KMT2C: variants seen among roughly 807,000 people sequenced by gnomAD.
The protein encoded by KMT2C is lysine methyltransferase 2C, also known as histone-lysine N-methyltransferase 2C.
In KMT2C, 88 loss-of-function variants were observed where a neutral mutation model predicts 507.9. The observed-to-expected ratio is 0.17, with a 90% CI of 0.15 to 0.21. The LOEUF (loss-of-function observed/expected upper bound fraction) is 0.21. Ranked by LOEUF, KMT2C falls within the 10% of genes least tolerant of loss-of-function variation. The pLI is 1.00. For synonymous variants in KMT2C, 2,049 were observed against 2,080.8 expected, an observed-to-expected ratio of 0.98 and a Z score of 0.42; for missense variants, 4,954 against 5,957.8, an observed-to-expected ratio of 0.83 and a Z score of 5.55.
intron 6 of KMT2C, among the ~76,000 whole-genome samples, chr7:152,276,437 C>T (rs2096080737): frequency 6.6e-6 from 1 of 152,000 alleles, no homozygotes; most frequent in Non-Finnish European, 1.5e-5. Flanking sequence ...AGCTAATTAA[C>T]ATTTGGGGAG....
chr7:152,420,654 G>A (rs1475545303), intron 1 of KMT2C, among the ~76,000 whole-genome samples: 1 of 152,098 alleles, frequency 6.6e-6, no homozygotes, highest in East Asian at 1.9e-4. Flanking sequence ...GGCCAACATG[G>A]TGAAACCCCA....
rs1230767564 is a variant in KMT2C, at chr7:152,146,791, A to G, written c.13895-56T>C. The stretch of plus-strand genomic sequence containing the variant: ...GGAAATAGGATACAGTATAAAAAAC[A>G]AGAGCAAAATGAAGAATAACCACTC... On this transcript the variant is annotated intron_variant, in intron 52 of 58. Coordinates refer to ENST00000262189, the MANE Select transcript of KMT2C (RefSeq NM_170606.3). 6 of 1,499,500 alleles carry G rather than the reference A, an allele frequency of 4.0e-6. No individual in the cohort carries two copies. The East Asian group carries it at 1.1e-4, about 28-fold the overall frequency. The allele number at this position is 1,499,500 out of a possible 1,614,324, so 92.9% of individuals were successfully genotyped here.
intron 55 of KMT2C, among the ~76,000 whole-genome samples, chr7:152,141,989 T>C (rs1454995508): frequency 6.6e-6 from 1 of 152,194 alleles, no homozygotes; most frequent in Non-Finnish European, 1.5e-5. Flanking sequence ...GCCACCGCAC[T>C]CCAGCCTGGG....
intron 2 of KMT2C, among the ~76,000 whole-genome samples, chr7:152,336,982 TA>T (rs10715319): frequency 0.13 from 20,417 of 152,026 alleles, 3,564 homozygotes; most frequent in African/African-American, 0.4. Flanking sequence ...TGTACAGTGG[TA>T]AACTATACTA....
Position 152,178,015 on chromosome 7 carries a change from T to TAAAAAAAAAAAAAAAAAAA in KMT2C, c.7443-24_7443-6dup, listed in dbSNP as rs746018833. ...CTACCTCCTGGAAATCCAAATCTTTTAAAAAAAAAAAAAAAAAAAAAAAAA... is the reference window on the plus strand; with the variant it reads ...CTACCTCCTGGAAATCCAAATCTTTTAAAAAAAAAAAAAAAAAAAAAAAAAAAAAAAAAAAAAAAAAAAA... On this transcript the variant is annotated splice_polypyrimidine_tract_variant and splice_region_variant and intron_variant, in intron 37 of 58. Coordinates refer to ENST00000262189, the MANE Select transcript of KMT2C (RefSeq NM_170606.3). The TAAAAAAAAAAAAAAAAAAA allele has an allele frequency of 1.3e-6, 1 of 777,676 alleles. No individual in the cohort carries two copies. The highest frequency in any genetic ancestry group is 3.2e-5 in the African/African-American group (1 of 30,860). The allele number at this position is 777,676 out of a possible 1,614,324, so 48.2% of individuals were successfully genotyped here.
intron 43 of KMT2C, among the ~76,000 whole-genome samples, chr7:152,160,167 T>A (rs868667602): frequency 6.6e-6 from 1 of 152,182 alleles, no homozygotes; most frequent in Admixed American, 6.5e-5. Context: ...TTCCTTAGAT[T>A]TTTTTTCAAC....
chr7:152,254,885 T>C (rs538673345), intron 9 of KMT2C, among the ~76,000 whole-genome samples: 232 of 151,796 alleles, frequency 1.5e-3, no homozygotes, highest in African/African-American at 5.2e-3. Flanking sequence ...CAAAAGGCAA[T>C]AGAATTCACA....
intron 6 of KMT2C, among the ~76,000 whole-genome samples, chr7:152,280,350 G>A (rs113126331): frequency 1.2e-4 from 18 of 152,024 alleles, no homozygotes; most frequent in African/African-American, 4.3e-4. Flanking sequence ...AGACCATCCT[G>A]GCTAACACGG....
chr7:152,295,742 T>C (rs1221582524), intron 6 of KMT2C, among the ~76,000 whole-genome samples: 6 of 152,182 alleles, frequency 3.9e-5, no homozygotes, highest in Admixed American at 3.9e-4. Flanking sequence ...ATCATGGCTG[T>C]CTCAACTTCT....
chr7:152,392,752 G>A (rs2116559951), intron 1 of KMT2C, among the ~76,000 whole-genome samples: 1 of 152,312 alleles, frequency 6.6e-6, no homozygotes, highest in South Asian at 2.1e-4. Flanking sequence ...AAACTCTTCA[G>A]TATCTGATGA....
intron 13 of KMT2C, among the ~76,000 whole-genome samples, chr7:152,249,470 T>C (rs1267484686): frequency 2.0e-5 from 3 of 151,564 alleles, no homozygotes; most frequent in South Asian, 2.1e-4. Flanking sequence ...ACTGCACACA[T>C]GTGTCACCAT....
chr7:152,395,211 G>T (rs1185223269), intron 1 of KMT2C, among the ~76,000 whole-genome samples: 3 of 152,118 alleles, frequency 2.0e-5, no homozygotes, highest in Non-Finnish European at 2.9e-5. Context: ...TTGAGACAGG[G>T]TCTTGCTCTG....
intron 18 of KMT2C, among the ~76,000 whole-genome samples, chr7:152,227,246 G>A (rs890187227): frequency 2.0e-5 from 3 of 152,156 alleles, no homozygotes; most frequent in African/African-American, 7.2e-5. Context: ...TTTTAACCTA[G>A]GTACTGGGGT....
At chr7:152,383,963 G>C (rs2097397549) in intron 1 of KMT2C, among the ~76,000 whole-genome samples, 1 of 151,742 alleles carries the variant, frequency 6.6e-6, no homozygotes, top group Non-Finnish European at 1.5e-5. Flanking sequence ...CTCCTTTCTA[G>C]CCTTGTTAGT....
chr7:152,395,068 G>A (rs542678029), intron 1 of KMT2C, among the ~76,000 whole-genome samples: 2 of 152,070 alleles, frequency 1.3e-5, no homozygotes. Context: ...CAATCGTAAG[G>A]CATGCCAATT....
At chr7:152,210,867 A>G (rs1445357874) in intron 23 of KMT2C, among the ~76,000 whole-genome samples, 5 of 152,220 alleles carry the variant, frequency 3.3e-5, no homozygotes, top group Non-Finnish European at 5.9e-5. Context: ...AACTCAGTAG[A>G]GGAAGATAAA....
At chr7:152,242,960 A>T (rs1186575220) in intron 14 of KMT2C, among the ~76,000 whole-genome samples, 27 of 152,224 alleles carry the variant, frequency 1.8e-4, no homozygotes, top group African/African-American at 6.3e-4. Context: ...AGTGAAAGCA[A>T]TGAAGAGAGA....
chr7:152,160,713 C>G (rs1481107953), intron 43 of KMT2C, among the ~76,000 whole-genome samples: 1 of 149,536 alleles, frequency 6.7e-6, no homozygotes, highest in East Asian at 1.9e-4. Flanking sequence ...TTAAATCACA[C>G]TTTAATTTGG....
intron 1 of KMT2C, among the ~76,000 whole-genome samples, chr7:152,387,436 A>AAAAAAGT (rs1554699486): frequency 7.5e-6 from 1 of 132,660 alleles, no homozygotes; most frequent in African/African-American, 2.6e-5. Flanking sequence ...GCCAAAAAAA[A>AAAAAAGT]AAGTGACAAA....
Sources: allele counts gnomAD v4.1 joint callset (sites outside exome capture counted in the v4.1 genomes callset), GRCh38; gene constraint gnomAD v4.1.1; transcripts MANE v1.5; gene names NCBI Gene and HGNC (gene_info 2026-07-23, HGNC 2026-07-21).